Variants in ZNF229 observed in about 807,000 individuals in gnomAD.
ZNF229 encodes zinc finger protein 229.
A neutral mutation model predicts 11.8 loss-of-function variants in ZNF229; 10 were observed. The ratio of observed to expected loss-of-function variants is 0.85; its 90% CI spans 0.52 to 1.44. The LOEUF is 1.44. Among genes scored for constraint, ZNF229 ranks in the 40% most tolerant of loss-of-function variants. ZNF229 has a pLI of 0.00. For synonymous variants in ZNF229, 368 were observed against 374.8 expected (o/e 0.98, Z 0.21); for missense variants, 1,045 against 1,015.1 (o/e 1.03, Z -0.40).
In ZNF229 at chr19:44,426,455, T is replaced by C. The variant is rs556416705; in HGVS notation, c.*1848A>G. ...ATGTCCTCTCCCACATCTTTTTTTC[T>C]CTGTTGCTCTAAACATACACACAGA... On this transcript the variant is annotated 3_prime_UTR_variant, in exon 6 of 6. Coordinates refer to ENST00000614049, the MANE Select transcript of ZNF229 (RefSeq NM_014518.4). 7 of 152,308 alleles carry C rather than the reference T, an allele frequency of 4.6e-5. No homozygotes were observed. Among genetic ancestry groups the C allele is most frequent in the Non-Finnish European group, 8.8e-5 (6 of 68,038 alleles). 9.4% of individuals were successfully genotyped at this position (152,308 alleles called of 1,614,324 possible).
intron 2 of ZNF229, among the ~76,000 whole-genome samples, chr19:44,446,144 G>T (rs1972000269): frequency 6.6e-6 from 1 of 152,072 alleles, no homozygotes; most frequent in Non-Finnish European, 1.5e-5. Flanking sequence ...AAAGGCAGTG[G>T]GACAAAGAAG....
rs976813775 is a variant in ZNF229, at chr19:44,442,481, T to C, written c.93+82A>G. The stretch of plus-strand genomic sequence containing the variant: ...ATTCACCCAATACATTTTTCGCTCT[T>C]TTTCCTTTTACCGAGAAGGGACGTA... On this transcript the variant is annotated intron_variant, in intron 4 of 5. Transcript: ENST00000614049. 8.0e-6 allele frequency: 12 copies of C among 1,493,210 alleles called. No homozygotes were observed. The East Asian group carries it at 2.5e-4, about 31-fold the overall frequency. 92.5% of individuals were successfully genotyped at this position (1,493,210 alleles called of 1,614,324 possible).
In ZNF229 at chr19:44,428,228, C is replaced by G. The variant is rs56114610; in HGVS notation, c.*75G>C. ...TATAGCCCTCCTACATGTCACTTTC[C>G]TATGGTTTTTCTCCTGTGTTGGCTC... On this transcript the variant is annotated 3_prime_UTR_variant, in exon 6 of 6. Coordinates refer to ENST00000614049, the MANE Select transcript of ZNF229 (RefSeq NM_014518.4). The G allele has an allele frequency of 1.5e-5, 23 of 1,484,684 alleles. No individual in the cohort carries two copies. Among genetic ancestry groups the G allele is most frequent in the South Asian group, 2.7e-5 (2 of 73,268 alleles). The allele number at this position is 1,484,684 out of a possible 1,614,324, so 92.0% of individuals were successfully genotyped here.
intron 4 of ZNF229, among the ~76,000 whole-genome samples, chr19:44,434,375 A>G (rs562149414): frequency 6.6e-6 from 1 of 152,240 alleles, no homozygotes; most frequent in South Asian, 2.1e-4. Context: ...CATGTCAACA[A>G]CTGACAGAAA....
chr19:44,434,495 G>A (rs1971778027), intron 4 of ZNF229, among the ~76,000 whole-genome samples: 1 of 152,174 alleles, frequency 6.6e-6, no homozygotes, highest in Admixed American at 6.5e-5. Flanking sequence ...GCTACGAATG[G>A]TGGCCTGTGT....
chr19:44,439,774 T>C (rs981632808), intron 4 of ZNF229, among the ~76,000 whole-genome samples: 1 of 152,210 alleles, frequency 6.6e-6, no homozygotes, highest in Non-Finnish European at 1.5e-5. Context: ...AGGTAACATA[T>C]ATTTTCACAT....
rs1270407259 is a variant in ZNF229 at position 44,442,817 on chromosome 19, T to C, written c.31A>G (p.Arg11Gly). The C allele has an allele frequency of 7.1e-7, 1 of 1,415,186 alleles. No homozygotes were observed. The highest frequency in any genetic ancestry group is 9.9e-7 in the Non-Finnish European group (1 of 1,010,636). The allele number at this position is 1,415,186 out of a possible 1,614,324, so 87.7% of individuals were successfully genotyped here. Residue 11 changes from arginine (R) to glycine (G), a missense_variant, in exon 3 of 6, where the codon AGA (arginine) becomes GGA (glycine). By Grantham distance (125) the Arg-to-Gly change is moderately radical (BLOSUM62 -2). Transcript: ENST00000614049. METLTSRHEK[R>G]ALHSQASAIS... ...CACCCCCTCTATTAGCTGTCACCTC[T>C]TTTCTCATGCCTTGAGGTCAAAGTC...
At chr19:44,437,438 A>G (rs1971834764) in intron 4 of ZNF229, among the ~76,000 whole-genome samples, 1 of 152,210 alleles carries the variant, frequency 6.6e-6, no homozygotes, top group Non-Finnish European at 1.5e-5. Context: ...CCCCAGTCAG[A>G]ATGGCTATTA....
In ZNF229 at chr19:44,429,138, T is replaced by C; in HGVS notation, c.1643A>G (p.Glu548Gly). The C allele has an allele frequency of 6.2e-7, 1 of 1,612,590 alleles. No homozygotes were observed. The highest frequency in any genetic ancestry group is 8.5e-7 in the Non-Finnish European group (1 of 1,179,564). The change falls in exon 6 of 6, where the codon GAG becomes GGG. Residue 548 changes from glutamate (E) to glycine (G), a missense_variant. Glu to Gly is a moderately conservative substitution (Grantham distance 98, BLOSUM62 -2). Transcript: ENST00000614049. ...LHTGEKPYKC[E>G]CGKSFGRSSD... ...GCTCCGGCCAAAGCTCTTCCCGCAC[T>C]CGCATTTGTAGGGTTTCTCTCCTGT...
intron 4 of ZNF229, among the ~76,000 whole-genome samples, chr19:44,442,159 T>C (rs1971922689): frequency 6.6e-6 from 1 of 151,894 alleles, no homozygotes; most frequent in Non-Finnish European, 1.5e-5. Flanking sequence ...ATACTTTTGG[T>C]AGGGTCTACT....
At chr19:44,442,792 C>CCCCCCCCCAAAT in intron 3 of ZNF229, 22 bp downstream of exon 3, 2 of 1,538,318 alleles carry the variant, frequency 1.3e-6, no homozygotes, top group Non-Finnish European at 1.8e-6. Context: ...TCCCCCCACC[C>CCCCCCCCCAAAT]ACCCCCTCTA....
Position 44,429,264 on chromosome 19 carries a change from G to A in ZNF229, c.1517C>T (p.Ala506Val). 1 of 1,613,920 alleles carries A rather than the reference G, an allele frequency of 6.2e-7. No individual in the cohort carries two copies. The highest frequency in any genetic ancestry group is 8.5e-7 in the Non-Finnish European group (1 of 1,179,980). ...KGFSHNSYLQ[A>V]HQRVHMGQHL... Reference sequence around the variant, plus strand: ...CTGCCCCATGTGAACTCTCTGGTGAGCTTGAAGGTACGAGTTGTGACTGAA... The same window carrying A: ...CTGCCCCATGTGAACTCTCTGGTGAACTTGAAGGTACGAGTTGTGACTGAA... The change falls in exon 6 of 6, where the codon GCT becomes GTT. Residue 506 changes from alanine (A) to valine (V), a missense_variant. By Grantham distance (64) the Ala-to-Val change is moderately conservative. Coordinates refer to ENST00000614049, the MANE Select transcript of ZNF229 (RefSeq NM_014518.4).
rs1456193472 is a variant in ZNF229, at chr19:44,432,281, T to G, written c.179A>C (p.Gln60Pro). The G allele has an allele frequency of 6.2e-7, 1 of 1,613,954 alleles. No homozygotes were observed. Among genetic ancestry groups the G allele is most frequent in the South Asian group, 1.1e-5 (1 of 91,072 alleles). The change falls in exon 5 of 6, where the codon CAA (glutamine) becomes CCA (proline). Residue 60 changes from glutamine (Q) to proline (P), a missense_variant. Coordinates refer to ENST00000614049, the MANE Select transcript of ZNF229 (RefSeq NM_014518.4). Reference protein sequence around the residue: ...LLDSTQRQLYQDVMQENFRNL... With the variant: ...LLDSTQRQLYPDVMQENFRNL... ...CCTGAAATTCTCCTGCATCACATCT[T>G]GGTACAGCTGCCTCTGGGTAGAGTC...
chr19:44,442,976 T>A lies in ZNF229; in HGVS notation c.-129A>T, dbSNP rs762939247. ...CTCTCCAAGCTCTGACAAGTTCCTG[T>A]CTCCACCTTTACTGTCCAGAGCGCG... On this transcript the variant is annotated 5_prime_UTR_variant, in exon 3 of 6. Transcript: ENST00000614049. 16 of 1,121,822 alleles carry A rather than the reference T, an allele frequency of 1.4e-5. No homozygotes were observed. Among genetic ancestry groups the A allele is most frequent in the Non-Finnish European group, 1.9e-5 (14 of 753,714 alleles). 69.5% of individuals were successfully genotyped at this position (1,121,822 alleles called of 1,614,324 possible).
rs749368143 is a variant in ZNF229, at chr19:44,428,323, C to A, written c.2458G>T (p.Gly820Cys). The A allele has an allele frequency of 1.2e-5, 20 of 1,612,050 alleles. No individual in the cohort carries two copies. The highest frequency in any genetic ancestry group is 1.7e-4 in the Middle Eastern group (1 of 6,054). ...TACATCTACTTATAAGGGTTCTCGC[C>A]TAAATGCACTCTTTGGTGGTTCCGC... ...GLRNHQRVHL[G>C]ENPYK is the part of the protein sequence containing the mutation. The change falls in exon 6 of 6, where the codon GGC becomes TGC. Residue 820 changes from glycine to cysteine, a missense_variant. Coordinates refer to ENST00000614049, the MANE Select transcript of ZNF229 (RefSeq NM_014518.4).
Position 44,429,057 on chromosome 19 carries a change from C to T in ZNF229, c.1724G>A (p.Ser575Asn). 3 of 1,613,216 alleles carry T rather than the reference C, an allele frequency of 1.9e-6. No homozygotes were observed. Among genetic ancestry groups the T allele is most frequent in the Non-Finnish European group, 2.5e-6 (3 of 1,179,712 alleles). The change falls in exon 6 of 6, where the codon AGT becomes AAT. Residue 575 changes from serine to asparagine, a missense_variant. Ser to Asn is a conservative substitution (Grantham distance 46). Coordinates refer to ENST00000614049, the MANE Select transcript of ZNF229 (RefSeq NM_014518.4). ...VHTGEKPYKC[S>N]ECGKGFRRNS... ...CCGCCGGAAGCCCTTCCCACACTCA[C>T]TGCATTTATAGGGTTTCTCTCCTGT...
In ZNF229 at chr19:44,429,030, T is replaced by C; in HGVS notation, c.1751A>G (p.Asn584Ser). Reference sequence around the variant, plus strand: ...CCTCTGGTGGCTGTGAAGGTCTGAATTCCGCCGGAAGCCCTTCCCACACTC... The same window carrying C: ...CCTCTGGTGGCTGTGAAGGTCTGAACTCCGCCGGAAGCCCTTCCCACACTC... ...CSECGKGFRR[N>S]SDLHSHQRVH... The change falls in exon 6 of 6, where the codon AAT (asparagine) becomes AGT (serine). Residue 584 changes from asparagine (N) to serine (S), a missense_variant. Coordinates refer to ENST00000614049, the MANE Select transcript of ZNF229 (RefSeq NM_014518.4). 1.2e-6 allele frequency: 2 copies of C among 1,610,908 alleles called. No individual in the cohort carries two copies. Among genetic ancestry groups the C allele is most frequent in the Admixed American group, 3.3e-5 (2 of 59,794 alleles).
chr19:44,430,362 T>G lies in ZNF229; in HGVS notation c.419A>C (p.His140Pro), dbSNP rs761861761. The change falls in exon 6 of 6, where the codon CAT (histidine) becomes CCT (proline). Residue 140 changes from histidine to proline, a missense_variant. Transcript: ENST00000614049. ...DFQFSEDAAP[H>P]QGWEGASTPC... ...CGTAGATGCTCCTTCCCACCCTTGA[T>G]GGGGAGCAGCATCTTCTGAGAACTG... 8 of 1,614,044 alleles carry G rather than the reference T, an allele frequency of 5.0e-6. No individual in the cohort carries two copies. In the African/African-American group the frequency reaches 9.3e-5, roughly 19 times the overall value.
intron 4 of ZNF229, among the ~76,000 whole-genome samples, chr19:44,441,938 A>T (rs1325451621): frequency 2.0e-5 from 3 of 152,216 alleles, no homozygotes; most frequent in Non-Finnish European, 4.4e-5. Context: ...TAGAATAATC[A>T]TAAATCTTAT....
Sources: allele counts gnomAD v4.1 joint callset (sites outside exome capture counted in the v4.1 genomes callset), GRCh38; gene constraint gnomAD v4.1.1; transcripts MANE v1.5; gene names NCBI Gene and HGNC (gene_info 2026-07-23, HGNC 2026-07-21).